The following INVS variants were observed in gnomAD, a reference collection of about 807,000 sequenced individuals.
INVS encodes inversin, also known as inversion of embryo turning homolog.
A neutral mutation model predicts 108.8 loss-of-function variants in INVS; 86 were observed. The observed-to-expected ratio is 0.79, with a 90% CI of 0.66 to 0.95. The LOEUF (loss-of-function observed/expected upper bound fraction) is 0.95. Ranked by LOEUF, INVS falls within the 40% of genes least tolerant of loss-of-function variation. The pLI is 0.00. For synonymous variants in INVS, 455 were observed against 473.5 expected, an observed-to-expected ratio of 0.96 and a Z score of 0.51; for missense variants, 1,169 against 1,297.4, an observed-to-expected ratio of 0.90 and a Z score of 1.52.
At chr9:100,156,994 TG>T (rs1345851234) in intron 3 of INVS, among the ~76,000 whole-genome samples, 4 of 151,126 alleles carry the variant, frequency 2.6e-5, no homozygotes, top group Non-Finnish European at 5.9e-5. Flanking sequence ...TTGTTTATAA[TG>T]GCAAAATACA....
At chr9:100,156,726 C>T (rs1030208404) in intron 3 of INVS, among the ~76,000 whole-genome samples, 4 of 151,820 alleles carry the variant, frequency 2.6e-5, no homozygotes, top group Non-Finnish European at 2.9e-5. Flanking sequence ...TCTGGTTTAC[C>T]CTTCATATGT....
chr9:100,152,582 T>A (rs1461708135), intron 3 of INVS, among the ~76,000 whole-genome samples: 1 of 152,212 alleles, frequency 6.6e-6, no homozygotes. Context: ...ACCATTCCAA[T>A]TCTGATGGGT....
At chr9:100,150,432 A>T (rs190253155) in intron 3 of INVS, among the ~76,000 whole-genome samples, 1 of 152,286 alleles carries the variant, frequency 6.6e-6, no homozygotes, top group Non-Finnish European at 1.5e-5. Flanking sequence ...GTATATATTG[A>T]ATTTCGATGA....
chr9:100,246,688 A>T lies in INVS; in HGVS notation c.979A>T (p.Met327Leu). 1.9e-6 allele frequency: 3 copies of T among 1,613,832 alleles called. No individual in the cohort carries two copies. The highest frequency in any genetic ancestry group is 2.5e-6 in the Non-Finnish European group (3 of 1,179,726). ...DSDLEGRTSF[M>L]WAAGKGSDDV... ...AGACCTGGAAGGAAGAACATCCTTTATGTGGGCAGCTGGCAAAGGCAGTGA... is the reference window on the plus strand; with the variant it reads ...AGACCTGGAAGGAAGAACATCCTTTTTGTGGGCAGCTGGCAAAGGCAGTGA... Residue 327 changes from methionine to leucine, a missense_variant, in exon 8 of 17, where the codon ATG becomes TTG. Met to Leu is a conservative substitution (Grantham distance 15, BLOSUM62 2). Transcript: ENST00000262457.
At chr9:100,155,931 A>T (rs1828962741) in intron 3 of INVS, among the ~76,000 whole-genome samples, 1 of 152,244 alleles carries the variant, frequency 6.6e-6, no homozygotes, top group South Asian at 2.1e-4. Flanking sequence ...ATTTCATAGC[A>T]CTAGCTACTG....
At chr9:100,293,273 G>A (rs1367151924) in intron 14 of INVS, among the ~76,000 whole-genome samples, 2 of 152,126 alleles carry the variant, frequency 1.3e-5, no homozygotes, top group Admixed American at 6.5e-5. Context: ...GGACAGCATG[G>A]GGTAAAGGAA....
intron 5 of INVS, among the ~76,000 whole-genome samples, chr9:100,233,577 G>A (rs1831583253): frequency 6.6e-6 from 1 of 152,170 alleles, no homozygotes; most frequent in Admixed American, 6.5e-5. Context: ...GTTTTAGCAT[G>A]AAGCGGTGTT....
Position 100,226,105 on chromosome 9 carries a change from A to G in INVS, c.317A>G (p.Asn106Ser), listed in dbSNP as rs1373377451. 6.2e-7 allele frequency: 1 copy of G among 1,613,936 alleles called. No homozygotes were observed. The highest frequency in any genetic ancestry group is 1.7e-5 in the Admixed American group (1 of 60,000). The change falls in exon 4 of 17, where the codon AAC becomes AGC. Residue 106 changes from asparagine (N) to serine (S), a missense_variant. Asn to Ser is a conservative substitution (Grantham distance 46). Transcript: ENST00000262457. ...AAACTCTTACTTACACGCAGAGCAA[A>G]CTGGATGCAAAAGGATCTGGAAGAG... The part of the protein sequence containing the change: ...FMKLLLTRRA[N>S]WMQKDLEEMT...
intron 2 of INVS, among the ~76,000 whole-genome samples, chr9:100,122,548 C>T (rs1475518688): frequency 7.0e-6 from 1 of 142,918 alleles, no homozygotes; most frequent in Non-Finnish European, 1.5e-5. Flanking sequence ...CTTTTAACCT[C>T]CTATGTTATT....
chr9:100,110,441 TA>T (rs1827307157), intron 2 of INVS, among the ~76,000 whole-genome samples: 1 of 152,200 alleles, frequency 6.6e-6, no homozygotes, highest in Non-Finnish European at 1.5e-5. Context: ...TATGGGTAGA[TA>T]TTTTTGTACA....
chr9:100,188,653 T>A (rs1383923831), intron 3 of INVS, among the ~76,000 whole-genome samples: 2 of 136,542 alleles, frequency 1.5e-5, no homozygotes. Flanking sequence ...TTTTTTTTTG[T>A]CCGTTAGATC....
At chr9:100,126,574 A>C in intron 3 of INVS, 25 bp downstream of exon 3, 1 of 1,612,174 alleles carries the variant, frequency 6.2e-7, no homozygotes, top group Non-Finnish European at 8.5e-7. Flanking sequence ...TTCCTTGAAG[A>C]GTAAATGTTT....
chr9:100,182,396 A>G (rs1054031128), intron 3 of INVS, among the ~76,000 whole-genome samples: 7 of 152,200 alleles, frequency 4.6e-5, no homozygotes, highest in African/African-American at 1.7e-4. Context: ...CAGAATGTAC[A>G]AGGAACTTAA....
chr9:100,290,473 C>A (rs1018941239), intron 13 of INVS, among the ~76,000 whole-genome samples: 1 of 151,974 alleles, frequency 6.6e-6, no homozygotes, highest in African/African-American at 2.4e-5. Context: ...CCTCAGCCTC[C>A]GGAGTAGCTG....
intron 14 of INVS, 66 bp from the exon 15 acceptor site, chr9:100,296,851 C>T (rs967819656): frequency 1.4e-5 from 18 of 1,300,908 alleles, no homozygotes. Flanking sequence ...TTCTAGAAAC[C>T]TTAAGGAAAT....
intron 3 of INVS, among the ~76,000 whole-genome samples, chr9:100,203,651 C>T (rs983892311): frequency 2.0e-5 from 3 of 151,782 alleles, no homozygotes; most frequent in Non-Finnish European, 2.9e-5. Context: ...TACAGGCATG[C>T]GCCACCATGC....
intron 7 of INVS, among the ~76,000 whole-genome samples, chr9:100,246,404 A>G (rs568527154): frequency 2.2e-4 from 33 of 152,312 alleles, no homozygotes; most frequent in Non-Finnish European, 4.6e-4. Context: ...ATGAAGTGTT[A>G]TGGACACTAC....
At chr9:100,104,313 C>T (rs1290691192) in intron 1 of INVS, among the ~76,000 whole-genome samples, 185 bp from the exon 2 acceptor site, 1 of 152,198 alleles carries the variant, frequency 6.6e-6, no homozygotes, top group Non-Finnish European at 1.5e-5. Flanking sequence ...AATCCTCCTG[C>T]GTTGGCCTTC....
intron 11 of INVS, among the ~76,000 whole-genome samples, chr9:100,272,294 C>G (rs1334176300): frequency 6.6e-6 from 1 of 152,058 alleles, no homozygotes; most frequent in African/African-American, 2.4e-5. Context: ...TTGCTCTATC[C>G]AGAATTTATT....
Sources: allele counts gnomAD v4.1 joint callset (sites outside exome capture counted in the v4.1 genomes callset), GRCh38; gene constraint gnomAD v4.1.1; transcripts MANE v1.5; gene names NCBI Gene and HGNC (gene_info 2026-07-23, HGNC 2026-07-21).